Variants in PCCA observed in about 807,000 individuals in gnomAD.
The protein encoded by PCCA is propionyl-CoA carboxylase subunit alpha.
A neutral mutation model predicts 101.3 loss-of-function variants in PCCA; 74 were observed. That is an observed-to-expected ratio of 0.73 (90% confidence interval 0.61 to 0.89). PCCA has a LOEUF of 0.89. Ranked by LOEUF, PCCA falls within the 40% of genes least tolerant of loss-of-function variation. The probability of loss-of-function intolerance (pLI) is 0.00; values close to 1 mark genes in which losing one functional copy is unlikely to be tolerated. For missense variants in PCCA, 891 were observed against 907.0 expected (o/e 0.98, Z 0.23); for synonymous variants, 294 against 313.6 (o/e 0.94, Z 0.66).
intron 6 of PCCA, among the ~76,000 whole-genome samples, chr13:100,200,777 CACATA>C (rs2058433136): frequency 6.6e-6 from 1 of 151,302 alleles, no homozygotes; most frequent in South Asian, 2.1e-4. Context: ...TAATAAAATG[CACATA>C]ACATTTTTCT....
At chr13:100,282,650 T>C (rs973642330) in intron 12 of PCCA, among the ~76,000 whole-genome samples, 2 of 152,210 alleles carry the variant, frequency 1.3e-5, no homozygotes, top group Admixed American at 6.5e-5. Flanking sequence ...CCCCAATATT[T>C]TCTCTCTGAT....
intron 22 of PCCA, among the ~76,000 whole-genome samples, chr13:100,524,387 G>GTGTA (rs1387897008): frequency 2.0e-5 from 3 of 151,124 alleles, no homozygotes; most frequent in African/African-American, 7.3e-5. Context: ...GTGTGTGTGT[G>GTGTA]TGTGTGTGTG....
At chr13:100,247,378 G>A (rs1369882902) in intron 8 of PCCA, among the ~76,000 whole-genome samples, 3 of 151,416 alleles carry the variant, frequency 2.0e-5, no homozygotes, top group African/African-American at 7.3e-5. Context: ...CTCCACGCCC[G>A]GCTAATTTTT....
chr13:100,351,217 G>A (rs945367636), intron 18 of PCCA, among the ~76,000 whole-genome samples: 23 of 152,034 alleles, frequency 1.5e-4, no homozygotes, highest in Admixed American at 1.0e-3. Context: ...TATTAAAAAC[G>A]CAAGTTAGCT....
intron 19 of PCCA, among the ~76,000 whole-genome samples, chr13:100,403,880 G>A (rs749915043): frequency 9.9e-5 from 15 of 152,092 alleles, no homozygotes; most frequent in Non-Finnish European, 1.8e-4. Flanking sequence ...ACCCCAGTGC[G>A]CAGCTGGTTG....
chr13:100,499,649 G>A (rs1285023991), intron 21 of PCCA, among the ~76,000 whole-genome samples: 1 of 152,222 alleles, frequency 6.6e-6, no homozygotes, highest in Non-Finnish European at 1.5e-5. Flanking sequence ...GGGATAGACT[G>A]CTGCATGCTG....
chr13:100,501,729 C>A (rs1215002388), intron 21 of PCCA, among the ~76,000 whole-genome samples: 1 of 152,034 alleles, frequency 6.6e-6, no homozygotes, highest in Non-Finnish European at 1.5e-5. Context: ...AAAAAATTAG[C>A]CGGGCATGGT....
chr13:100,402,534 A>C (rs1428363158), intron 19 of PCCA, among the ~76,000 whole-genome samples: 1 of 152,220 alleles, frequency 6.6e-6, no homozygotes, highest in African/African-American at 2.4e-5. Flanking sequence ...TGAGTTCTTC[A>C]TGAGGGCCAT....
intron 6 of PCCA, among the ~76,000 whole-genome samples, chr13:100,165,767 T>TA (rs1207729982): frequency 6.6e-6 from 1 of 152,134 alleles, no homozygotes; most frequent in African/African-American, 2.4e-5. Context: ...TGTGGTATCT[T>TA]ACACCTATAA....
At chr13:100,440,156 T>TTATATATATA (rs398024171) in intron 20 of PCCA, among the ~76,000 whole-genome samples, 31 of 92,820 alleles carry the variant, frequency 3.3e-4, no homozygotes, top group East Asian at 2.1e-3. Context: ...GAGTATTAAA[T>TTATATATATA]TATATATATA....
In PCCA at chr13:100,380,952, A is replaced by G. The variant is rs148972247; in HGVS notation, c.1746+12378A>G. On this transcript the variant is annotated intron_variant, in intron 19 of 23. Coordinates refer to ENST00000376285, the MANE Select transcript of PCCA (RefSeq NM_000282.4). ...ATCTGAATAGACGTTTCTCCAAAGAATATATGCAATTGCCGGTAAGCACAT... is the reference window on the plus strand; with the variant it reads ...ATCTGAATAGACGTTTCTCCAAAGAGTATATGCAATTGCCGGTAAGCACAT... Among the ~76,000 whole-genome samples the G allele has an allele frequency of 7.2e-5, 11 of 152,396 alleles. No homozygotes were observed. The East Asian group carries it at 2.1e-3, about 29-fold the overall frequency.
At chr13:100,452,806 A>G (rs1292564256) in intron 21 of PCCA, among the ~76,000 whole-genome samples, 1 of 152,200 alleles carries the variant, frequency 6.6e-6, no homozygotes, top group East Asian at 1.9e-4. Context: ...AGTGCCCTGA[A>G]CAAGGCCTGG....
chr13:100,095,197 T>G (rs984890547), intron 1 of PCCA, among the ~76,000 whole-genome samples: 2 of 152,152 alleles, frequency 1.3e-5, no homozygotes, highest in Non-Finnish European at 2.9e-5. Flanking sequence ...CTCTCATTCT[T>G]TTATAAAGAC....
chr13:100,491,832 T>C, intron 21 of PCCA: 2 of 984,138 alleles, frequency 2.0e-6, no homozygotes, highest in Non-Finnish European at 2.6e-6. Flanking sequence ...TTTTTCTCTA[T>C]TTTTTAAAAT....
At chr13:100,128,097 A>G (rs1855678454) in intron 4 of PCCA, among the ~76,000 whole-genome samples, 1 of 152,120 alleles carries the variant, frequency 6.6e-6, no homozygotes. Flanking sequence ...TTACATAAGG[A>G]TTGAATTACT....
intron 21 of PCCA, among the ~76,000 whole-genome samples, chr13:100,499,842 T>A (rs1357099174): frequency 1.3e-5 from 2 of 152,208 alleles, no homozygotes; most frequent in Non-Finnish European, 2.9e-5. Context: ...GGAAAAAATA[T>A]TTCTTGTGTT....
chr13:100,335,068 T>C (rs1027284704), intron 17 of PCCA, among the ~76,000 whole-genome samples: 1 of 152,210 alleles, frequency 6.6e-6, no homozygotes, highest in Admixed American at 6.5e-5. Flanking sequence ...AACTGGAAGT[T>C]AGAAATCTTA....
intron 16 of PCCA, among the ~76,000 whole-genome samples, chr13:100,323,425 G>A (rs750895599): frequency 6.9e-4 from 105 of 152,012 alleles, no homozygotes; most frequent in Non-Finnish European, 9.9e-4. Context: ...GGCTTCAAGC[G>A]GGAGGCCTCA....
chr13:100,453,486 AAAAAG>A (rs1204098066), intron 21 of PCCA, among the ~76,000 whole-genome samples: 5 of 143,392 alleles, frequency 3.5e-5, no homozygotes, highest in South Asian at 4.2e-4. Flanking sequence ...TTAAAAAAAA[AAAAAG>A]AAGAAGAAGA....
Sources: allele counts gnomAD v4.1 joint callset (sites outside exome capture counted in the v4.1 genomes callset), GRCh38; gene constraint gnomAD v4.1.1; transcripts MANE v1.5; gene names NCBI Gene and HGNC (gene_info 2026-07-23, HGNC 2026-07-21).